The following NPEPPS variants were observed in gnomAD, a reference collection of about 807,000 sequenced individuals.
The protein encoded by NPEPPS is puromycin-sensitive aminopeptidase.
In NPEPPS, 14 loss-of-function variants were observed where a neutral mutation model predicts 115.5. The observed-to-expected ratio is 0.12, with a 90% CI of 0.08 to 0.19. NPEPPS has a LOEUF of 0.19. NPEPPS is among the 10% of genes least tolerant of loss of function. The probability of loss-of-function intolerance (pLI) is 1.00; values close to 1 mark genes in which losing one functional copy is unlikely to be tolerated. For synonymous variants in NPEPPS, 285 were observed against 390.6 expected (o/e 0.73, Z 3.19); for missense variants, 523 against 1,110.8 (o/e 0.47, Z 7.52).
chr17:47,532,384 G>A (rs139459757), intron 1 of NPEPPS, among the ~76,000 whole-genome samples: 6 of 152,160 alleles, frequency 3.9e-5, no homozygotes, highest in African/African-American at 1.4e-4. Context: ...GGCTGGGCGC[G>A]GTGGCTCATG....
At chr17:47,587,121 A>T (rs1912239512) in intron 8 of NPEPPS, 109 bp from the exon 9 acceptor site, 1 of 986,316 alleles carries the variant, frequency 1.0e-6, no homozygotes, top group Admixed American at 3.5e-5. Context: ...TTTTCCTAAT[A>T]TCTCTAAAGC....
Position 47,601,666 on chromosome 17 carries a change from C to T in NPEPPS, c.1659C>T (p.Asn553=). The change falls in exon 15 of 23, where the codon AAC becomes AAT. Residue 553 remains asparagine, a synonymous_variant. Transcript: ENST00000322157. Reference sequence around the variant, plus strand: ...CAATCTCTACTAGTGAAGACCCCAACCAGGCCAAACTAAAAATTCTAATGG... The same window carrying T: ...CAATCTCTACTAGTGAAGACCCCAATCAGGCCAAACTAAAAATTCTAATGG... ...PITISTSEDP[N]QAKLKILMDK... The T allele has an allele frequency of 6.2e-7, 1 of 1,612,116 alleles. No homozygotes were observed. Among genetic ancestry groups the T allele is most frequent in the Non-Finnish European group, 8.5e-7 (1 of 1,179,404 alleles).
chr17:47,608,904 G>A (rs1913677545), intron 17 of NPEPPS, among the ~76,000 whole-genome samples: 1 of 152,196 alleles, frequency 6.6e-6, no homozygotes, highest in African/African-American at 2.4e-5. Context: ...CATTTAACAA[G>A]TTTTGTGGAG....
rs577343632 is a variant in NPEPPS at position 47,615,425 on chromosome 17, C to T, written c.2295+1700C>T. On this transcript the variant is annotated intron_variant, in intron 19 of 22. Coordinates refer to ENST00000322157, the MANE Select transcript of NPEPPS (RefSeq NM_006310.4). The stretch of plus-strand genomic sequence containing the variant: ...TATTTGGGAGAGCTGGGCACGGTGG[C>T]ATGCACCTATATTTCCAGCTTCTCA... 1.8e-3 allele frequency among the ~76,000 whole-genome samples: 281 copies of T among 152,182 alleles called. 4 individuals carry two copies. Among genetic ancestry groups the T allele is most frequent in the African/African-American group, 6.3e-3 (262 of 41,526 alleles).
intron 14 of NPEPPS, among the ~76,000 whole-genome samples, chr17:47,601,070 C>G (rs1393747391): frequency 6.6e-6 from 1 of 151,768 alleles, no homozygotes; most frequent in Non-Finnish European, 1.5e-5. Flanking sequence ...TAATAAAGTA[C>G]AAAAAAATAT....
intron 13 of NPEPPS, 127 bp from the exon 14 acceptor site, chr17:47,599,549 C>A: frequency 1.4e-6 from 1 of 697,382 alleles, no homozygotes; most frequent in East Asian, 2.7e-5. Flanking sequence ...TTTGTATACT[C>A]ATGAGACATT....
intron 3 of NPEPPS, among the ~76,000 whole-genome samples, chr17:47,573,631 A>T (rs542910869): frequency 3.1e-4 from 47 of 152,306 alleles, no homozygotes; most frequent in African/African-American, 1.1e-3. Flanking sequence ...CTGAGGTGGG[A>T]GGATTGCTTG....
At chr17:47,595,183 G>A (rs1912787109) in intron 12 of NPEPPS, among the ~76,000 whole-genome samples, 1 of 151,288 alleles carries the variant, frequency 6.6e-6, no homozygotes, top group Admixed American at 6.6e-5. Flanking sequence ...TGCCCACCTC[G>A]GCCTCCCAAA....
At chr17:47,544,223 GTC>G (rs1339749287) in intron 1 of NPEPPS, among the ~76,000 whole-genome samples, 1 of 151,942 alleles carries the variant, frequency 6.6e-6, no homozygotes, top group Non-Finnish European at 1.5e-5. Flanking sequence ...TGGAGATGGG[GTC>G]TCTCTACTCT....
At chr17:47,547,245 C>T (rs1909281886) in intron 2 of NPEPPS, among the ~76,000 whole-genome samples, 1 of 152,062 alleles carries the variant, frequency 6.6e-6, no homozygotes, top group Admixed American at 6.6e-5. Context: ...GAAAGTAGTC[C>T]ATTTTGACTG....
chr17:47,530,365 T>G (rs912432620), upstream of NPEPPS, among the ~76,000 whole-genome samples: 29 of 140,408 alleles, frequency 2.1e-4, 1 homozygote, highest in African/African-American at 7.9e-4. Flanking sequence ...TTTTTTTTTT[T>G]TTTTTTTTTG....
Position 47,531,114 on chromosome 17 carries a change from C to T in NPEPPS, c.-187C>T, listed in dbSNP as rs1218956946. ...GCACGCAGCCGCCGCCACCACTTCC[C>T]CCTCTCCCTCCCTCCTTGCGGGCCC... On this transcript the variant is annotated 5_prime_UTR_variant, in exon 1 of 23. Coordinates refer to ENST00000322157, the MANE Select transcript of NPEPPS (RefSeq NM_006310.4). The T allele has an allele frequency of 6.1e-5, 49 of 807,580 alleles. No homozygotes were observed. The South Asian group carries it at 1.1e-3, about 19-fold the overall frequency. 50.0% of individuals were successfully genotyped at this position (807,580 alleles called of 1,614,324 possible).
At chr17:47,527,766 A>T (rs1430607172), upstream of NPEPPS, among the ~76,000 whole-genome samples, 4 of 151,664 alleles carry the variant, frequency 2.6e-5, no homozygotes, top group African/African-American at 9.7e-5. Context: ...AGAAAAACAA[A>T]ACAAACAAAC....
At chr17:47,531,632 C>T (rs1907778866) in intron 1 of NPEPPS, 77 bp downstream of exon 1, 2 of 1,396,380 alleles carry the variant, frequency 1.4e-6, no homozygotes, top group South Asian at 1.5e-5. Flanking sequence ...ACTCAGGGCC[C>T]GGCCGGGAGG....
intron 1 of NPEPPS, among the ~76,000 whole-genome samples, chr17:47,523,996 C>CTTT (rs941370799): frequency 7.2e-6 from 1 of 139,188 alleles, no homozygotes; most frequent in Non-Finnish European, 1.5e-5. Flanking sequence ...CTTTCTTAAA[C>CTTT]TTTTTTTTTT....
chr17:47,567,812 A>G lies in NPEPPS; in HGVS notation c.341-1605A>G, dbSNP rs572256448. Among the ~76,000 whole-genome samples the G allele has an allele frequency of 2.0e-5, 3 of 152,102 alleles. No individual in the cohort carries two copies. In the East Asian group the frequency reaches 5.8e-4, roughly 29 times the overall value. The stretch of plus-strand genomic sequence containing the variant: ...TAGTATAATGTTTTCAAGGTTATTT[A>G]CGTTGTAGCATGTGTCAGCTATTTC... On this transcript the variant is annotated intron_variant, in intron 2 of 22. Coordinates refer to ENST00000322157, the MANE Select transcript of NPEPPS (RefSeq NM_006310.4).
At position 47,622,076 on chromosome 17, in the gene NPEPPS, C is replaced by A; in HGVS notation, c.*156C>A. The A allele has an allele frequency of 7.9e-7, 1 of 1,266,314 alleles. No homozygotes were observed. 78.4% of individuals were successfully genotyped at this position (1,266,314 alleles called of 1,614,324 possible). A position where few individuals can be genotyped will look rare whatever the true frequency, so the allele number is the denominator to read the frequency against. On this transcript the variant is annotated 3_prime_UTR_variant, in exon 23 of 23. Transcript: ENST00000322157. ...AGTTAACTGGTTCCTGCTCACACTC[C>A]AGAATTAAATTCTATTGAAAAAGGA...
intron 17 of NPEPPS, among the ~76,000 whole-genome samples, chr17:47,609,823 G>C (rs1913731952): frequency 6.6e-6 from 1 of 152,078 alleles, no homozygotes. Context: ...TACAATGTGT[G>C]TTCTGTTCTT....
intron 2 of NPEPPS, among the ~76,000 whole-genome samples, chr17:47,546,867 A>C (rs1909254050): frequency 6.6e-6 from 1 of 152,198 alleles, no homozygotes; most frequent in Admixed American, 6.6e-5. Flanking sequence ...TTCCAAGATT[A>C]ACTTATTTTG....
Sources: gnomAD v4.1 joint callset for allele counts (sites outside exome capture counted in the v4.1 genomes callset) on GRCh38, gnomAD v4.1.1 for gene constraint, MANE v1.5 for transcripts, NCBI Gene and HGNC (gene_info 2026-07-23, HGNC 2026-07-21) for gene names.